Variants in DPP6 observed in about 807,000 individuals in gnomAD.
DPP6 encodes the protein A-type potassium channel modulatory protein DPP6.
DPP6 carries 69 observed loss-of-function variants against 122.6 expected under a neutral mutation model. That is an observed-to-expected ratio of 0.56 (90% CI 0.46 to 0.69). The LOEUF (loss-of-function observed/expected upper bound fraction) is 0.69, where lower values mean the gene tolerates loss of function less well. DPP6 is among the 30% of genes least tolerant of loss of function. DPP6 has a pLI of 0.00. For synonymous variants in DPP6, 418 were observed against 433.1 expected, an observed-to-expected ratio of 0.97 and a Z score of 0.43; for missense variants, 928 against 1,116.9, an observed-to-expected ratio of 0.83 and a Z score of 2.41.
At chr7:154,304,795 C>T (rs1238266906) in intron 1 of DPP6, among the ~76,000 whole-genome samples, 4 of 152,220 alleles carry the variant, frequency 2.6e-5, no homozygotes, top group Non-Finnish European at 5.9e-5. Flanking sequence ...GACCCCCTTC[C>T]TTCTCAAACA....
intron 1 of DPP6, among the ~76,000 whole-genome samples, chr7:153,943,714 T>C (rs1385238881): frequency 6.6e-6 from 1 of 152,198 alleles, no homozygotes; most frequent in Non-Finnish European, 1.5e-5. Context: ...GAGTTTTTCA[T>C]TGCTTATTGC....
intron 4 of DPP6, among the ~76,000 whole-genome samples, chr7:154,546,209 T>C (rs1829174566): frequency 6.6e-6 from 1 of 152,160 alleles, no homozygotes; most frequent in African/African-American, 2.4e-5. Flanking sequence ...AAAGATACAA[T>C]ATACTAGGCT....
intron 5 of DPP6, among the ~76,000 whole-genome samples, chr7:154,579,339 A>G (rs1000128467): frequency 6.6e-6 from 1 of 152,150 alleles, no homozygotes; most frequent in African/African-American, 2.4e-5. Flanking sequence ...ACAAGAGCAA[A>G]ACTCCGTCTC....
upstream of DPP6, among the ~76,000 whole-genome samples, chr7:154,052,021 C>T (rs1184661620): frequency 2.0e-5 from 3 of 150,564 alleles, no homozygotes; most frequent in Non-Finnish European, 3.0e-5. The surrounding 1 kb of genome is among the most constrained non-coding windows in gnomAD (Gnocchi z 4.8). Context: ...GTGGCTGGGG[C>T]GCCCCGGGGC....
At chr7:154,757,782 C>G (rs546920356) in intron 8 of DPP6, among the ~76,000 whole-genome samples, 1 of 152,296 alleles carries the variant, frequency 6.6e-6, no homozygotes, top group African/African-American at 2.4e-5. Context: ...AACAAGAGTT[C>G]AGGATAATCC....
At chr7:154,497,302 A>G (rs890477392) in intron 3 of DPP6, among the ~76,000 whole-genome samples, 9 of 152,058 alleles carry the variant, frequency 5.9e-5, no homozygotes, top group African/African-American at 2.2e-4. Flanking sequence ...GTGTTGGTCA[A>G]TCCTCAGAAA....
chr7:154,258,060 A>G (rs1294323378), intron 1 of DPP6, among the ~76,000 whole-genome samples: 1 of 150,206 alleles, frequency 6.7e-6, no homozygotes, highest in African/African-American at 2.4e-5. Context: ...ACCACTAGAA[A>G]TTACATATAT....
chr7:153,762,190 A>C, the DPP6 span, among the ~76,000 whole-genome samples: 1 of 152,228 alleles, frequency 6.6e-6, no homozygotes, highest in Non-Finnish European at 1.5e-5. Flanking sequence ...TACTTCTGTT[A>C]ATTTGTATTT....
chr7:154,524,037 G>A (rs1487656564), intron 3 of DPP6, among the ~76,000 whole-genome samples: 2 of 152,180 alleles, frequency 1.3e-5, no homozygotes, highest in Non-Finnish European at 2.9e-5. Flanking sequence ...CTTACGAGTT[G>A]ACAGTCTTCT....
In DPP6 at chr7:154,837,963, TC is replaced by T. The variant is rs547603139; in HGVS notation, c.1667-15812del. Among the ~76,000 whole-genome samples the T allele has an allele frequency of 2.0e-4, 30 of 152,268 alleles. 1 individual carries two copies. In the East Asian group the frequency reaches 5.8e-3, roughly 29 times the overall value. ...GAAAATAAGACTCTTATATTCACAT[TC>T]CCCCAAGCGATCTTACATTTTTTTA... is the stretch of plus-strand genomic sequence containing the variant. On this transcript the variant is annotated intron_variant, in intron 16 of 25. Transcript: ENST00000377770.
chr7:154,160,333 G>A (rs1200919653), intron 1 of DPP6, among the ~76,000 whole-genome samples: 1 of 152,122 alleles, frequency 6.6e-6, no homozygotes, highest in Non-Finnish European at 1.5e-5. Context: ...GCCACTGCAG[G>A]CCATTCAGTA....
the DPP6 span, among the ~76,000 whole-genome samples, chr7:153,827,272 T>C: frequency 0.89 from 134,977 of 152,194 alleles, 60,004 homozygotes; most frequent in African/African-American, 0.94. Context: ...AAAATATCCA[T>C]GTAGCAGAAA....
At chr7:154,299,910 G>T (rs546739953) in intron 1 of DPP6, among the ~76,000 whole-genome samples, 1 of 152,132 alleles carries the variant, frequency 6.6e-6, no homozygotes, top group Non-Finnish European at 1.5e-5. Context: ...AGGCTTGCAC[G>T]GCTACAAACA....
rs146683070 is a variant in DPP6, at chr7:154,313,684, G to GGTGTGTGTGTGTAT, written c.244-132528_244-132527insGTGTGTGTGTATGT. ...GAAGCAACAAGATATTTTAAGATAT[G>GGTGTGTGTGTGTAT]GTATATATATATATATATATATATA... On this transcript the variant is annotated intron_variant, in intron 1 of 25. Transcript: ENST00000377770. Among the ~76,000 whole-genome samples, 16 of 25,096 alleles carry GGTGTGTGTGTGTAT rather than the reference G, an allele frequency of 6.4e-4. 1 individual carries two copies. Among genetic ancestry groups the GGTGTGTGTGTGTAT allele is most frequent in the African/African-American group, 2.5e-3 (13 of 5,174 alleles). The allele number at this position is 25,096 out of a possible 152,430, so 16.5% of individuals were successfully genotyped here. A position where few individuals can be genotyped will look rare whatever the true frequency, so the allele number is the denominator to read the frequency against.
In DPP6 at chr7:154,011,011, G is replaced by T. The variant is rs147613192; in HGVS notation, c.51+123277G>T. On this transcript the variant is annotated intron_variant, in intron 1 of 25. Transcript: ENST00000404039. ...TCATCTGGGCATGGCAGCACCTAGC[G>T]TAGGTCTCCAATATGCCATTGAGAA... Among the ~76,000 whole-genome samples, 1,190 of 152,296 alleles carry T rather than the reference G, an allele frequency of 7.8e-3. 6 individuals carry two copies. The highest frequency in any genetic ancestry group is 0.031 in the Middle Eastern group (9 of 294).
chr7:153,980,358 G>A (rs879186821), intron 1 of DPP6, among the ~76,000 whole-genome samples: 1 of 152,050 alleles, frequency 6.6e-6, no homozygotes, highest in Admixed American at 6.5e-5. Flanking sequence ...ATTCTCTGAT[G>A]GTAGTGTGTA....
At chr7:154,017,164 C>G (rs144775636) in intron 1 of DPP6, among the ~76,000 whole-genome samples, 447 of 152,242 alleles carry the variant, frequency 2.9e-3, no homozygotes, top group Middle Eastern at 0.02. Context: ...ACCTCCTAAA[C>G]ACAAGTGTTC....
chr7:154,124,965 C>G (rs984692607), intron 1 of DPP6, among the ~76,000 whole-genome samples: 5 of 152,174 alleles, frequency 3.3e-5, no homozygotes, highest in Non-Finnish European at 7.3e-5. Flanking sequence ...GGAGAGGGCC[C>G]TTAGAGATCC....
intron 16 of DPP6, among the ~76,000 whole-genome samples, chr7:154,841,972 A>C (rs1405088466): frequency 1.3e-5 from 2 of 152,168 alleles, no homozygotes; most frequent in African/African-American, 4.8e-5. Flanking sequence ...GTTGACTAGG[A>C]AATGCTGTCC....
Sources: gnomAD v4.1 joint callset for allele counts (sites outside exome capture counted in the v4.1 genomes callset) on GRCh38, gnomAD v4.1.1 for gene constraint, Gnocchi (gnomAD v3.1) non-coding constraint, MANE v1.5 for transcripts, NCBI Gene and HGNC (gene_info 2026-07-23, HGNC 2026-07-21) for gene names.